The following THADA variants were observed in gnomAD, a reference collection of about 807,000 sequenced individuals.
THADA encodes the protein tRNA (32-2'-O)-methyltransferase regulator THADA.
In THADA, 213 loss-of-function variants were observed where a neutral mutation model predicts 219.8. The observed-to-expected ratio is 0.97, with a 90% confidence interval of 0.87 to 1.09. THADA has a LOEUF of 1.09. Ranked by LOEUF, THADA falls within the 50% of genes least tolerant of loss-of-function variation. The pLI, the probability that THADA is intolerant of heterozygous loss-of-function variation, is 0.00. For synonymous variants in THADA, 1,018 were observed against 828.9 expected, an observed-to-expected ratio of 1.23 and a Z score of -3.92; for missense variants, 2,956 against 2,311.3, an observed-to-expected ratio of 1.28 and a Z score of -5.72.
intron 5 of THADA, 31 bp downstream of exon 5, chr2:43,586,823 C>T (rs375552999): frequency 5.8e-5 from 93 of 1,611,738 alleles, no homozygotes; most frequent in Middle Eastern, 1.6e-4. Context: ...AGGGGTTAGC[C>T]AGAAAAAGGA....
intron 29 of THADA, among the ~76,000 whole-genome samples, chr2:43,350,314 T>A (rs1668109330): frequency 6.6e-6 from 1 of 152,114 alleles, no homozygotes; most frequent in South Asian, 2.1e-4. Context: ...ACAAGCCCAA[T>A]CACATCACTG....
At chr2:43,385,602 G>A (rs1171736232) in intron 29 of THADA, among the ~76,000 whole-genome samples, 13 of 105,740 alleles carry the variant, frequency 1.2e-4, no homozygotes, top group African/African-American at 4.4e-4. Flanking sequence ...GCGAGACTCC[G>A]TCTCAAAAAA....
At chr2:43,293,436 G>A (rs1572945870) in intron 31 of THADA, among the ~76,000 whole-genome samples, 1 of 152,032 alleles carries the variant, frequency 6.6e-6, no homozygotes. Context: ...GGGCACAAAG[G>A]CATTACTATT....
At chr2:43,277,951 C>CTTT (rs761803232) in intron 36 of THADA, among the ~76,000 whole-genome samples, 4,652 of 134,388 alleles carry the variant, frequency 0.035, 174 homozygotes, top group South Asian at 0.17. Flanking sequence ...CAATATTGTT[C>CTTT]TTTTTTTTTT....
chr2:43,537,005 A>G (rs746219671), intron 21 of THADA, among the ~76,000 whole-genome samples: 4 of 152,232 alleles, frequency 2.6e-5, no homozygotes, highest in Non-Finnish European at 5.9e-5. Flanking sequence ...TTCTGACTTT[A>G]AGACACAGCC....
At chr2:43,341,906 C>T (rs1017387920) in intron 30 of THADA, among the ~76,000 whole-genome samples, 6 of 152,148 alleles carry the variant, frequency 3.9e-5, no homozygotes, top group Non-Finnish European at 8.8e-5. Context: ...CTCCTACTCT[C>T]TAAATAAAAT....
At chr2:43,428,283 ACTC>A in intron 27 of THADA, 52 bp from the exon 28 acceptor site, 1 of 1,505,104 alleles carries the variant, frequency 6.6e-7, no homozygotes, top group Non-Finnish European at 9.0e-7. Flanking sequence ...GTAGTGAAGC[ACTC>A]CTCCTTCAAA....
At chr2:43,266,459 C>T (rs561650531) in intron 36 of THADA, among the ~76,000 whole-genome samples, 3 of 152,192 alleles carry the variant, frequency 2.0e-5, no homozygotes, top group South Asian at 2.1e-4. Flanking sequence ...AAAAGTTAGC[C>T]GGGCGTGGTG....
intron 21 of THADA, among the ~76,000 whole-genome samples, chr2:43,537,676 C>A (rs1381646723): frequency 6.6e-6 from 1 of 152,084 alleles, no homozygotes; most frequent in African/African-American, 2.4e-5. Context: ...ATCTAACATA[C>A]AATTTTTAGA....
At chr2:43,479,064 C>A (rs1480083406) in intron 26 of THADA, among the ~76,000 whole-genome samples, 1 of 152,142 alleles carries the variant, frequency 6.6e-6, no homozygotes, top group Middle Eastern at 3.2e-3. Context: ...CTGGAAAATG[C>A]ATGAATGACA....
rs202167639 is a variant in THADA at position 43,574,490 on chromosome 2, A to G, written c.1575T>C (p.Thr525=). 2.1e-5 allele frequency: 34 copies of G among 1,613,910 alleles called. No homozygotes were observed. In the East Asian group the frequency reaches 7.6e-4, roughly 36 times the overall value. ...ATATAAAAAGGAGAGGAGAAACCCAAGTCTCATGCCACTGGTCAATCCAAG... is the reference window on the plus strand; with the variant it reads ...ATATAAAAAGGAGAGGAGAAACCCAGGTCTCATGCCACTGGTCAATCCAAG... ...ESSWIDQWHE[T]WVSPLLFILC... The change falls in exon 11 of 38, where the codon ACT becomes ACC. Residue 525 remains threonine, a synonymous_variant. Transcript: ENST00000405975.
intron 35 of THADA, among the ~76,000 whole-genome samples, chr2:43,282,386 T>C (rs566276452): frequency 6.6e-6 from 1 of 152,326 alleles, no homozygotes; most frequent in South Asian, 2.1e-4. Flanking sequence ...CCCAGAGAGA[T>C]ACAGGGACAG....
At chr2:43,426,058 A>T (rs1678385959) in intron 28 of THADA, among the ~76,000 whole-genome samples, 1 of 152,216 alleles carries the variant, frequency 6.6e-6, no homozygotes, top group Admixed American at 6.5e-5. Context: ...GAACAGACTG[A>T]TTGCAAACTT....
intron 20 of THADA, among the ~76,000 whole-genome samples, chr2:43,545,301 T>G (rs1421669333): frequency 1.3e-5 from 2 of 151,766 alleles, no homozygotes; most frequent in Non-Finnish European, 2.9e-5. Flanking sequence ...GATTTTTGCA[T>G]CAATGTTCAT....
intron 26 of THADA, among the ~76,000 whole-genome samples, chr2:43,445,001 A>G (rs1301753609): frequency 2.6e-5 from 4 of 152,190 alleles, no homozygotes; most frequent in African/African-American, 7.2e-5. Flanking sequence ...CAAATGCTGA[A>G]GGCCAAAGCC....
At chr2:43,452,016 A>G (rs1485533659) in intron 26 of THADA, among the ~76,000 whole-genome samples, 1 of 152,188 alleles carries the variant, frequency 6.6e-6, no homozygotes, top group East Asian at 1.9e-4. Context: ...CTGAGGCAGG[A>G]GAACCACTTG....
intron 29 of THADA, among the ~76,000 whole-genome samples, chr2:43,382,900 C>T (rs1248247845): frequency 6.6e-6 from 1 of 152,064 alleles, no homozygotes; most frequent in Non-Finnish European, 1.5e-5. Context: ...CAAAAATGGC[C>T]TCAAAAAATT....
chr2:43,403,728 C>A (rs191573330), intron 28 of THADA, among the ~76,000 whole-genome samples: 1 of 152,244 alleles, frequency 6.6e-6, no homozygotes, highest in East Asian at 1.9e-4. Context: ...TGAAAAGGAC[C>A]ATCCACTTGC....
At chr2:43,512,537 T>G (rs973427758) in intron 22 of THADA, among the ~76,000 whole-genome samples, 2 of 152,238 alleles carry the variant, frequency 1.3e-5, no homozygotes, top group Non-Finnish European at 1.5e-5. Flanking sequence ...AATTTCACTC[T>G]TCTTGCCCAG....
Sources: allele counts gnomAD v4.1 joint callset (sites outside exome capture counted in the v4.1 genomes callset), GRCh38; gene constraint gnomAD v4.1.1; transcripts MANE v1.5; gene names NCBI Gene and HGNC (gene_info 2026-07-23, HGNC 2026-07-21).